The following ZFHX3 variants were observed in gnomAD, a reference collection of about 807,000 sequenced individuals.
The protein encoded by ZFHX3 is zinc finger homeobox 3, also known as zinc finger homeobox protein 3.
A neutral mutation model predicts 279.1 loss-of-function variants in ZFHX3; 42 were observed. The observed-to-expected ratio is 0.15, with a 90% confidence interval of 0.12 to 0.19. The LOEUF (loss-of-function observed/expected upper bound fraction) is 0.19. Among genes scored for constraint, ZFHX3 ranks in the 10% least tolerant of loss-of-function variants. The pLI is 1.00. For missense variants in ZFHX3, 4,981 were observed against 4,754.0 expected, an observed-to-expected ratio of 1.05 and a Z score of -1.40; for synonymous variants, 2,293 against 1,957.8, an observed-to-expected ratio of 1.17 and a Z score of -4.52.
intron 3 of ZFHX3, among the ~76,000 whole-genome samples, chr16:73,435,210 C>G (rs975828136): frequency 1.3e-5 from 2 of 151,972 alleles, no homozygotes; most frequent in African/African-American, 4.8e-5. Context: ...TATTTTGAAC[C>G]AATTCATTCT....
intron 4 of ZFHX3, among the ~76,000 whole-genome samples, chr16:72,863,505 C>CAGAGAG (rs369872583): frequency 6.7e-6 from 1 of 148,250 alleles, no homozygotes; most frequent in African/African-American, 2.5e-5. Context: ...GTGACAGAGA[C>CAGAGAG]AGAGAGAGAG....
In ZFHX3 at chr16:73,166,441, T is replaced by C. The variant is rs375743932; in HGVS notation, c.-1103-22610A>G. Among the ~76,000 whole-genome samples, 238 of 152,100 alleles carry C rather than the reference T, an allele frequency of 1.6e-3. 2 individuals are homozygous for C. Among genetic ancestry groups the C allele is most frequent in the Middle Eastern group, 6.8e-3 (2 of 294 alleles). Reference sequence around the variant, plus strand: ...ATAAAGAACTTGAACCTGGCAGGCATTTGGATAACATTTCTGGATGCTTTA... The same window carrying C: ...ATAAAGAACTTGAACCTGGCAGGCACTTGGATAACATTTCTGGATGCTTTA... On this transcript the variant is annotated intron_variant, in intron 5 of 17. Transcript: ENST00000641206.
intron 6 of ZFHX3, among the ~76,000 whole-genome samples, chr16:73,138,087 G>A (rs1966823911): frequency 6.6e-6 from 1 of 152,156 alleles, no homozygotes; most frequent in African/African-American, 2.4e-5. Context: ...AATCCTCAGA[G>A]TGCTTCTGAG....
intron 1 of ZFHX3, among the ~76,000 whole-genome samples, chr16:73,725,021 T>C (rs1462668892): frequency 2.0e-5 from 3 of 152,150 alleles, no homozygotes; most frequent in Non-Finnish European, 4.4e-5. Flanking sequence ...AGAGCATCTG[T>C]AAGGTGTAAA....
chr16:72,879,913 C>G (rs374049061), intron 4 of ZFHX3, among the ~76,000 whole-genome samples: 70 of 152,308 alleles, frequency 4.6e-4, no homozygotes, highest in African/African-American at 1.6e-3. Flanking sequence ...TCGGTGAGGG[C>G]TGTGTGAGAA....
At position 73,087,812 on chromosome 16, in the gene ZFHX3, A is replaced by T. The variant is rs957289889; in HGVS notation, c.-533+5423T>A. Among the ~76,000 whole-genome samples, 39 of 151,886 alleles carry T rather than the reference A, an allele frequency of 2.6e-4. 1 individual carries two copies. The highest frequency in any genetic ancestry group is 9.2e-4 in the African/African-American group (38 of 41,364). ...GACAAAGAAGTTTACAAGCCAAGCC[A>T]AACTTTCATTTCTCTCTCTTTTTTT... On this transcript the variant is annotated intron_variant, in intron 8 of 17. Coordinates refer to the ZFHX3 transcript ENST00000641206.
At chr16:73,812,654 C>T (rs1960456907) in intron 1 of ZFHX3, 1 of 152,330 alleles carries the variant, frequency 6.6e-6, no homozygotes, top group East Asian at 1.9e-4. Context: ...AGAGCTAGCC[C>T]TTTTCTATTA....
chr16:73,851,282 G>C (rs1961588338), intron 1 of ZFHX3, among the ~76,000 whole-genome samples: 1 of 152,182 alleles, frequency 6.6e-6, no homozygotes, highest in African/African-American at 2.4e-5. Flanking sequence ...CAGAGGTGCG[G>C]TCACATTTTA....
At chr16:73,390,279 G>A (rs1302686257) in intron 3 of ZFHX3, among the ~76,000 whole-genome samples, 1 of 152,028 alleles carries the variant, frequency 6.6e-6, no homozygotes, top group Non-Finnish European at 1.5e-5. Context: ...AAGATATCAG[G>A]TGCTTTCTCA....
At position 73,318,943 on chromosome 16, in the gene ZFHX3, C is replaced by T. The variant is rs545527120; in HGVS notation, c.-1290-607G>A. 2.0e-5 allele frequency among the ~76,000 whole-genome samples: 3 copies of T among 152,248 alleles called. No homozygotes were observed. The East Asian group carries it at 5.8e-4, about 30-fold the overall frequency. On this transcript the variant is annotated intron_variant, in intron 3 of 17. Coordinates refer to the ZFHX3 transcript ENST00000641206. ...AATTTTATGCACAAAGCCCAACTGGCCCTTCTTGCTTGTGGAGGGCTATTC... is the reference window on the plus strand; with the variant it reads ...AATTTTATGCACAAAGCCCAACTGGTCCTTCTTGCTTGTGGAGGGCTATTC...
intron 9 of ZFHX3, chr16:72,790,073 C>T (rs1388346322): frequency 2.6e-5 from 4 of 152,400 alleles, no homozygotes; most frequent in Non-Finnish European, 4.4e-5. Context: ...TTCACCAACC[C>T]GAGAGCCTAA....
chr16:73,831,509 A>G (rs150527318), intron 1 of ZFHX3, among the ~76,000 whole-genome samples: 25 of 151,610 alleles, frequency 1.6e-4, no homozygotes, highest in Non-Finnish European at 2.9e-4. Context: ...TCAGAAATTC[A>G]TCTACACGAC....
chr16:73,850,036 A>G (rs1343790625), intron 1 of ZFHX3, among the ~76,000 whole-genome samples: 1 of 152,140 alleles, frequency 6.6e-6, no homozygotes, highest in African/African-American at 2.4e-5. Context: ...CCTGGCCAGC[A>G]TTTATTTTTA....
intron 2 of ZFHX3, among the ~76,000 whole-genome samples, chr16:73,469,712 G>A (rs113180293): frequency 7.2e-4 from 109 of 152,158 alleles, no homozygotes; most frequent in African/African-American, 2.6e-3. Context: ...CTGCTGCCCA[G>A]GTTCAAGTGA....
At chr16:73,266,572 T>G (rs2013981719) in intron 4 of ZFHX3, among the ~76,000 whole-genome samples, 1 of 152,168 alleles carries the variant, frequency 6.6e-6, no homozygotes. Flanking sequence ...TCCAAGCACT[T>G]AAGGGGCTTG....
rs1447523601 is a variant in ZFHX3, at chr16:72,861,771, T to C, written c.3448+27960A>G. ...GGCTCATGCCTGTAATCCCAGCACT[T>C]TGGGAGGCAGAGGCGGGCGGGTCAC... On this transcript the variant is annotated intron_variant, in intron 4 of 9. Coordinates refer to ENST00000268489, the MANE Select transcript of ZFHX3 (RefSeq NM_006885.4). Among the ~76,000 whole-genome samples the C allele has an allele frequency of 2.0e-5, 3 of 152,196 alleles. No individual in the cohort carries two copies. In the East Asian group the frequency reaches 5.8e-4, roughly 29 times the overall value.
intron 1 of ZFHX3, among the ~76,000 whole-genome samples, chr16:73,788,851 G>A: frequency 6.6e-6 from 1 of 151,638 alleles, no homozygotes; most frequent in East Asian, 1.9e-4. Context: ...GCACGTGCCT[G>A]TAGTCCCAGC....
intron 1 of ZFHX3, among the ~76,000 whole-genome samples, chr16:73,811,086 T>A (rs538519854): frequency 3.9e-5 from 6 of 152,022 alleles, no homozygotes; most frequent in South Asian, 2.1e-4. Context: ...AAAAAAAAAA[T>A]TTCATGATCC....
intron 1 of ZFHX3, among the ~76,000 whole-genome samples, chr16:73,831,809 C>T (rs1011204204): frequency 9.2e-5 from 14 of 152,228 alleles, no homozygotes; most frequent in African/African-American, 3.4e-4. Context: ...CTATTGTGGC[C>T]GTCCTTCAGG....
Sources: gnomAD v4.1 joint callset for allele counts (sites outside exome capture counted in the v4.1 genomes callset) on GRCh38, gnomAD v4.1.1 for gene constraint, MANE v1.5 for transcripts, NCBI Gene and HGNC (gene_info 2026-07-23, HGNC 2026-07-21) for gene names.